UGGT1: variants seen among roughly 807,000 people sequenced by gnomAD.
UGGT1 encodes UDP-glucose:glycoprotein glucosyltransferase 1.
In UGGT1, 107 loss-of-function variants were observed where a neutral mutation model predicts 203.9. The ratio of observed to expected loss-of-function variants is 0.52; its 90% CI spans 0.45 to 0.62. UGGT1 has a LOEUF of 0.62. UGGT1 is among the 20% of genes least tolerant of loss of function. UGGT1 has a pLI of 0.00. For missense variants in UGGT1, 1,673 were observed against 1,867.2 expected (o/e 0.90, Z 1.92); for synonymous variants, 628 against 653.5 (o/e 0.96, Z 0.59).
rs1305901288 is a variant in UGGT1 at position 128,194,849 on chromosome 2, C to T, written c.*5107C>T. 1 of 152,124 alleles carries T rather than the reference C, an allele frequency of 6.6e-6. No individual in the cohort carries two copies. Among genetic ancestry groups the T allele is most frequent in the African/African-American group, 2.4e-5 (1 of 41,422 alleles). The allele number at this position is 152,124 out of a possible 1,614,324, so 9.4% of individuals were successfully genotyped here. A position where few individuals can be genotyped will look rare whatever the true frequency, so the allele number is the denominator to read the frequency against. ...TGAAATGCCTAGAGGATACAGATTT[C>T]TCATTTCATTCTTTGGTCTTTCATT... is the stretch of plus-strand genomic sequence containing the variant. On this transcript the variant is annotated 3_prime_UTR_variant, in exon 41 of 41. Coordinates refer to ENST00000259253, the MANE Select transcript of UGGT1 (RefSeq NM_020120.4).
At chr2:128,093,494 A>G (rs189153477) in intron 1 of UGGT1, among the ~76,000 whole-genome samples, 71 of 151,930 alleles carry the variant, frequency 4.7e-4, no homozygotes, top group African/African-American at 1.6e-3. Flanking sequence ...TGGATCTGTC[A>G]GATTGGTTGG....
chr2:128,179,978 A>G (rs1691604663), intron 35 of UGGT1, 108 bp downstream of exon 35: 2 of 902,084 alleles, frequency 2.2e-6, no homozygotes, highest in Admixed American at 2.7e-5. Flanking sequence ...TCCATTTACT[A>G]AGATACCCTA....
rs1399939340 is a variant in UGGT1, at chr2:128,192,477, G to A, written c.*2735G>A. On this transcript the variant is annotated 3_prime_UTR_variant, in exon 41 of 41. Transcript: ENST00000259253. ...TGTTCACAGTATGTTGTTCTTAGCT[G>A]TTATTTATATAAAGTGAATTATTTT... 6.6e-6 allele frequency: 1 copy of A among 152,184 alleles called. No homozygotes were observed. Among genetic ancestry groups the A allele is most frequent in the Non-Finnish European group, 1.5e-5 (1 of 68,032 alleles). 9.4% of individuals were successfully genotyped at this position (152,184 alleles called of 1,614,324 possible). A position where few individuals can be genotyped will look rare whatever the true frequency, so the allele number is the denominator to read the frequency against.
intron 2 of UGGT1, 72 bp from the exon 3 acceptor site, chr2:128,103,860 T>C: frequency 9.0e-7 from 1 of 1,105,378 alleles, no homozygotes; most frequent in Non-Finnish European, 1.3e-6. Context: ...AACTTATTTT[T>C]ACTCTCTTTA....
At chr2:128,138,518 A>G (rs1689251993) in intron 15 of UGGT1, among the ~76,000 whole-genome samples, 199 bp from the exon 16 acceptor site, 1 of 152,084 alleles carries the variant, frequency 6.6e-6, no homozygotes, top group East Asian at 1.9e-4. Context: ...TCTGTCTAAA[A>G]AAAAAAAAAA....
chr2:128,163,954 A>G (rs924151591), intron 25 of UGGT1, among the ~76,000 whole-genome samples: 5 of 152,174 alleles, frequency 3.3e-5, no homozygotes, highest in African/African-American at 1.2e-4. Flanking sequence ...TGAGATGGGC[A>G]GATTGTGTGA....
chr2:128,173,407 A>G (rs1047760614), intron 29 of UGGT1, among the ~76,000 whole-genome samples: 1 of 152,122 alleles, frequency 6.6e-6, no homozygotes, highest in African/African-American at 2.4e-5. Flanking sequence ...ATTTTTTTCA[A>G]CATTTAGTAT....
intron 8 of UGGT1, among the ~76,000 whole-genome samples, chr2:128,118,256 C>T (rs1688220998): frequency 1.3e-5 from 2 of 152,070 alleles, no homozygotes; most frequent in South Asian, 2.1e-4. Context: ...CTCAGGCTTT[C>T]AGAATCCTTT....
chr2:128,160,309 A>C, intron 23 of UGGT1, 151 bp from the exon 24 acceptor site: 1 of 736,676 alleles, frequency 1.4e-6, no homozygotes, highest in Non-Finnish European at 2.0e-6. Flanking sequence ...TGGCGGGGAG[A>C]CTGGAGAATT....
chr2:128,152,149 T>C (rs1290418954), intron 18 of UGGT1, among the ~76,000 whole-genome samples: 1 of 152,134 alleles, frequency 6.6e-6, no homozygotes, highest in African/African-American at 2.4e-5. Flanking sequence ...CAAAGTATAT[T>C]AACTGCTTGA....
chr2:128,120,019 CT>C (rs1688302001), intron 8 of UGGT1, among the ~76,000 whole-genome samples: 2 of 151,838 alleles, frequency 1.3e-5, no homozygotes, highest in African/African-American at 4.8e-5. Context: ...TCAAGTGATC[CT>C]CCTGCCTTGG....
intron 10 of UGGT1, among the ~76,000 whole-genome samples, 167 bp downstream of exon 10, chr2:128,121,465 G>A (rs1688379058): frequency 6.8e-6 from 1 of 147,018 alleles, no homozygotes; most frequent in Admixed American, 7.1e-5. Flanking sequence ...GAGTGCAGTG[G>A]TGCAATCTCG....
Position 128,163,490 on chromosome 2 carries a change from C to T in UGGT1, c.2826-1240C>T, listed in dbSNP as rs371701638. On this transcript the variant is annotated intron_variant, in intron 25 of 40. Transcript: ENST00000259253. ...CAGCACTTGGGAAGGCCGAGGCGGG[C>T]GGATCATGAGGTCAGGAGATCGAGA... 4.6e-3 allele frequency among the ~76,000 whole-genome samples: 694 copies of T among 149,516 alleles called. 4 individuals are homozygous for T. The highest frequency in any genetic ancestry group is 0.013 in the African/African-American group (524 of 40,602).
chr2:128,167,195 T>C (rs1232379811), intron 26 of UGGT1, among the ~76,000 whole-genome samples: 1 of 152,206 alleles, frequency 6.6e-6, no homozygotes, highest in African/African-American at 2.4e-5. Flanking sequence ...TGTTTACCCT[T>C]CTTGCCCAAG....
At chr2:128,148,093 G>A (rs1036409515) in intron 18 of UGGT1, among the ~76,000 whole-genome samples, 51 of 151,610 alleles carry the variant, frequency 3.4e-4, no homozygotes, top group Non-Finnish European at 4.9e-4. Flanking sequence ...ACAGAGTTTC[G>A]CTCTATTGCC....
At position 128,195,308 on chromosome 2, in the gene UGGT1, G is replaced by A. The variant is rs1203697051; in HGVS notation, c.*5566G>A. On this transcript the variant is annotated 3_prime_UTR_variant, in exon 41 of 41. Transcript: ENST00000259253. ...AGATTTCCAGAGAAATGGGCATAACGTCTCTTAACAACAACAGCAGAAAGC... is the reference window on the plus strand; with the variant it reads ...AGATTTCCAGAGAAATGGGCATAACATCTCTTAACAACAACAGCAGAAAGC... 2 of 152,172 alleles carry A rather than the reference G, an allele frequency of 1.3e-5. No homozygotes were observed. The highest frequency in any genetic ancestry group is 2.9e-5 in the Non-Finnish European group (2 of 68,030). The allele number at this position is 152,172 out of a possible 1,614,324, so 9.4% of individuals were successfully genotyped here. A position where few individuals can be genotyped will look rare whatever the true frequency, so the allele number is the denominator to read the frequency against.
intron 25 of UGGT1, among the ~76,000 whole-genome samples, chr2:128,162,440 C>CA (rs34070987): frequency 8.2e-5 from 12 of 147,154 alleles, no homozygotes; most frequent in Admixed American, 1.4e-4. Flanking sequence ...ACTGTGTCTC[C>CA]AAAAAAAAAA....
At chr2:128,135,711 C>T (rs1355385378) in intron 15 of UGGT1, among the ~76,000 whole-genome samples, 1 of 152,114 alleles carries the variant, frequency 6.6e-6, no homozygotes. Flanking sequence ...TGATCAACTG[C>T]TAGGTTATGT....
In UGGT1 at chr2:128,185,260, C is replaced by T. The variant is rs55985228; in HGVS notation, c.4360-1423C>T. On this transcript the variant is annotated intron_variant, in intron 38 of 40. Coordinates refer to ENST00000259253, the MANE Select transcript of UGGT1 (RefSeq NM_020120.4). The stretch of plus-strand genomic sequence containing the variant: ...TGTAGCCCAGGCTGGAGTGCAGTGG[C>T]GTAATCTCAGCTCACTGCAACCTCA... 4.4e-3 allele frequency among the ~76,000 whole-genome samples: 608 copies of T among 138,566 alleles called. 6 individuals carry two copies. The highest frequency in any genetic ancestry group is 0.014 in the African/African-American group (530 of 36,822). 90.9% of individuals were successfully genotyped at this position (138,566 alleles called of 152,430 possible).
Sources: allele counts gnomAD v4.1 joint callset (sites outside exome capture counted in the v4.1 genomes callset), GRCh38; gene constraint gnomAD v4.1.1; transcripts MANE v1.5; gene names NCBI Gene and HGNC (gene_info 2026-07-23, HGNC 2026-07-21).